The following UGCG variants were observed in gnomAD, a reference collection of about 807,000 sequenced individuals.
The protein encoded by UGCG is ceramide glucosyltransferase.
A neutral mutation model predicts 49.5 loss-of-function variants in UGCG; 10 were observed. That is an observed-to-expected ratio of 0.20 (90% CI 0.12 to 0.34). The LOEUF (loss-of-function observed/expected upper bound fraction) is 0.34. Among genes scored for constraint, UGCG ranks in the 10% least tolerant of loss-of-function variants. UGCG has a pLI of 1.00. For synonymous variants in UGCG, 182 were observed against 158.2 expected (o/e 1.15, Z -1.13); for missense variants, 312 against 483.7 (o/e 0.65, Z 3.33).
chr9:111,910,488 C>T (rs925006076), intron 1 of UGCG, among the ~76,000 whole-genome samples: 43 of 152,136 alleles, frequency 2.8e-4, no homozygotes, highest in Non-Finnish European at 1.0e-4. Context: ...ATAGCTTCTT[C>T]TAATCTAGAT....
At chr9:111,909,856 G>T (rs554621877) in intron 1 of UGCG, among the ~76,000 whole-genome samples, 5 of 152,188 alleles carry the variant, frequency 3.3e-5, no homozygotes, top group African/African-American at 1.2e-4. Context: ...ACCCTAGGGG[G>T]TACACAACAA....
chr9:111,925,678 A>G (rs1838302512), intron 4 of UGCG, among the ~76,000 whole-genome samples: 1 of 152,264 alleles, frequency 6.6e-6, no homozygotes. Flanking sequence ...TTTAGTTCTT[A>G]AAGACTTGGA....
chr9:111,898,888 A>G (rs1837714986), intron 1 of UGCG, among the ~76,000 whole-genome samples: 1 of 152,206 alleles, frequency 6.6e-6, no homozygotes, highest in Admixed American at 6.5e-5. Context: ...TTTAAAGTTC[A>G]TCTGTTTAAT....
chr9:111,924,850 T>A lies in UGCG; in HGVS notation c.417T>A (p.Leu139=). ...GATATGAAGTTGCAAAGTATGATCTTATATGGATTTGTGATAGTGGAATAA... is the reference window on the plus strand; with the variant it reads ...GATATGAAGTTGCAAAGTATGATCTAATATGGATTTGTGATAGTGGAATAA... ...MPGYEVAKYD[L]IWICDSGIRV... Residue 139 remains leucine (L), a synonymous_variant, in exon 4 of 9, where the codon CTT becomes CTA. Coordinates refer to ENST00000374279, the MANE Select transcript of UGCG (RefSeq NM_003358.3). 6.6e-7 allele frequency: 1 copy of A among 1,525,910 alleles called. No homozygotes were observed. The highest frequency in any genetic ancestry group is 8.7e-7 in the Non-Finnish European group (1 of 1,143,424). 94.5% of individuals were successfully genotyped at this position (1,525,910 alleles called of 1,614,324 possible).
At chr9:111,922,006 C>T (rs1465517146) in intron 2 of UGCG, among the ~76,000 whole-genome samples, 1 of 151,360 alleles carries the variant, frequency 6.6e-6, no homozygotes. Context: ...AGAGACAGGG[C>T]CTCGCCTTTT....
At position 111,933,357 on chromosome 9, in the gene UGCG, T is replaced by TGAGTACACAAGTACTCTAAAA. The variant is rs1838461527; in HGVS notation, c.*368_*369insAAGTACTCTAAAAGAGTACAC. The TGAGTACACAAGTACTCTAAAA allele has an allele frequency of 1.3e-5, 2 of 152,544 alleles. No individual in the cohort carries two copies. Among genetic ancestry groups the TGAGTACACAAGTACTCTAAAA allele is most frequent in the African/African-American group, 4.8e-5 (2 of 41,580 alleles). 9.4% of individuals were successfully genotyped at this position (152,544 alleles called of 1,614,324 possible). A position where few individuals can be genotyped will look rare whatever the true frequency, so the allele number is the denominator to read the frequency against. On this transcript the variant is annotated 3_prime_UTR_variant, in exon 9 of 9. Coordinates refer to ENST00000374279, the MANE Select transcript of UGCG (RefSeq NM_003358.3). ...TTCAGTAGAGAAAGTTTCTTACTTG[T>TGAGTACACAAGTACTCTAAAA]GAGTACACTCTTTTAGAACATTTAC...
intron 1 of UGCG, among the ~76,000 whole-genome samples, chr9:111,911,240 A>C (rs1485497418): frequency 6.6e-6 from 1 of 152,136 alleles, no homozygotes; most frequent in Non-Finnish European, 1.5e-5. Flanking sequence ...GTAGATGGTC[A>C]GGAGGCAAGC....
intron 2 of UGCG, among the ~76,000 whole-genome samples, chr9:111,918,944 C>A (rs1354595545): frequency 1.0e-3 from 118 of 116,208 alleles, no homozygotes; most frequent in Non-Finnish European, 1.5e-3. Context: ...AAACAAAAAA[C>A]AAAAAAACAA....
intron 1 of UGCG, among the ~76,000 whole-genome samples, chr9:111,909,673 A>G (rs1837960067): frequency 6.6e-6 from 1 of 152,258 alleles, no homozygotes; most frequent in Non-Finnish European, 1.5e-5. Context: ...ACTGCAAAGC[A>G]GTCATGGAGT....
intron 1 of UGCG, among the ~76,000 whole-genome samples, chr9:111,907,849 G>A (rs1002604545): frequency 2.6e-5 from 4 of 151,998 alleles, no homozygotes; most frequent in African/African-American, 9.7e-5. Flanking sequence ...GGCTGGTCTC[G>A]AACTCCTGAC....
chr9:111,912,999 A>C (rs940654389), intron 1 of UGCG, among the ~76,000 whole-genome samples: 4 of 152,292 alleles, frequency 2.6e-5, no homozygotes, highest in Non-Finnish European at 1.5e-5. Context: ...GACCAAGCCC[A>C]TGGCTAAGTG....
chr9:111,914,652 A>G lies in UGCG; in HGVS notation c.146A>G (p.Lys49Arg). Residue 49 changes from lysine to arginine, a missense_variant, in exon 2 of 9, where the codon AAG becomes AGG. Lys to Arg is a conservative substitution (Grantham distance 26, BLOSUM62 2). This residue lies in a region of UGCG where 65 missense variants were observed against 74.7 expected (regional missense o/e 0.87). Coordinates refer to ENST00000374279, the MANE Select transcript of UGCG (RefSeq NM_003358.3). ...GCAACTGACAAACAGCCTTATAGCA[A>G]GCTCCCAGGTGTCTCTCTTCTGAAA... is the stretch of plus-strand genomic sequence containing the variant. ...KKATDKQPYS[K>R]LPGVSLLKPL... 1 of 1,614,158 alleles carries G rather than the reference A, an allele frequency of 6.2e-7. No individual in the cohort carries two copies. Among genetic ancestry groups the G allele is most frequent in the South Asian group, 1.1e-5 (1 of 91,084 alleles).
chr9:111,933,132 G>C lies in UGCG; in HGVS notation c.*135G>C. ...GGTATCTGTTCTTTAATTTATTTTT[G>C]CATGGCACTTGCATCTGTGAAAAAA... is the stretch of plus-strand genomic sequence containing the variant. On this transcript the variant is annotated 3_prime_UTR_variant, in exon 9 of 9. Coordinates refer to ENST00000374279, the MANE Select transcript of UGCG (RefSeq NM_003358.3). The C allele has an allele frequency of 1.2e-6, 1 of 846,924 alleles. No individual in the cohort carries two copies. Among genetic ancestry groups the C allele is most frequent in the Non-Finnish European group, 1.6e-6 (1 of 640,320 alleles). The allele number at this position is 846,924 out of a possible 1,614,324, so 52.5% of individuals were successfully genotyped here.
chr9:111,897,121 G>T lies in UGCG; in HGVS notation c.-95G>T. Reference sequence around the variant, plus strand: ...TCCCCACCTTCCTCTCGCCTCCCGCGCCCCCGCACCGGGCGCCCACCCTGT... The same window carrying T: ...TCCCCACCTTCCTCTCGCCTCCCGCTCCCCCGCACCGGGCGCCCACCCTGT... On this transcript the variant is annotated 5_prime_UTR_variant, in exon 1 of 9. Coordinates refer to ENST00000374279, the MANE Select transcript of UGCG (RefSeq NM_003358.3). 1 of 680,568 alleles carries T rather than the reference G, an allele frequency of 1.5e-6. No individual in the cohort carries two copies. The highest frequency in any genetic ancestry group is 2.0e-6 in the Non-Finnish European group (1 of 499,474). The allele number at this position is 680,568 out of a possible 1,614,324, so 42.2% of individuals were successfully genotyped here.
intron 1 of UGCG, among the ~76,000 whole-genome samples, chr9:111,911,696 A>G (rs973152845): frequency 2.6e-5 from 4 of 151,614 alleles, no homozygotes; most frequent in Admixed American, 2.6e-4. Context: ...CTAGGAGTTC[A>G]AGACCAGCCT....
chr9:111,914,611 A>T lies in UGCG; in HGVS notation c.105A>T (p.Leu35Phe), dbSNP rs1256104867. The T allele has an allele frequency of 6.2e-7, 1 of 1,613,612 alleles. No homozygotes were observed. The highest frequency in any genetic ancestry group is 8.5e-7 in the Non-Finnish European group (1 of 1,179,880). Residue 35 changes from leucine (L) to phenylalanine (F), a missense_variant, in exon 2 of 9, where the codon TTA (leucine) becomes TTT (phenylalanine). Physicochemically the swap from Leu to Phe is conservative, Grantham distance 22. Transcript: ENST00000374279. ...TATATCATTTGCTTTTTAGCCGATT[A>T]CACCTCAACAAGAAGGCAACTGACA... ...MHFMAIIYTR[L>F]HLNKKATDKQ...
At chr9:111,916,171 G>A (rs942314132) in intron 2 of UGCG, among the ~76,000 whole-genome samples, 4 of 152,042 alleles carry the variant, frequency 2.6e-5, no homozygotes, top group Non-Finnish European at 4.4e-5. Context: ...AAGAAAAATG[G>A]GAGATTTTCA....
At chr9:111,908,111 A>T (rs1444908451) in intron 1 of UGCG, among the ~76,000 whole-genome samples, 1 of 152,088 alleles carries the variant, frequency 6.6e-6, no homozygotes, top group African/African-American at 2.4e-5. Flanking sequence ...GGTGGTGGGA[A>T]GAGTAGGGCT....
chr9:111,933,237 G>C lies in UGCG; in HGVS notation c.*240G>C. On this transcript the variant is annotated 3_prime_UTR_variant, in exon 9 of 9. Coordinates refer to ENST00000374279, the MANE Select transcript of UGCG (RefSeq NM_003358.3). ...AGAGAATCAAGAGAATTGGTTCTAG[G>C]AACCTGGGTTCGTTCATCATTGTTG... 1 of 269,374 alleles carries C rather than the reference G, an allele frequency of 3.7e-6. No homozygotes were observed. The highest frequency in any genetic ancestry group is 6.7e-6 in the Non-Finnish European group (1 of 150,304). 16.7% of individuals were successfully genotyped at this position (269,374 alleles called of 1,614,324 possible).
Sources: allele counts gnomAD v4.1 joint callset (sites outside exome capture counted in the v4.1 genomes callset), GRCh38; gene constraint gnomAD v4.1.1; regional missense constraint gnomAD v4.1.1; transcripts MANE v1.5; gene names NCBI Gene and HGNC (gene_info 2026-07-23, HGNC 2026-07-21).